The following ZNF33A variants were observed in gnomAD, a reference collection of about 807,000 sequenced individuals.
ZNF33A encodes the protein zinc finger protein 33A.
In ZNF33A, 9 loss-of-function variants were observed where a neutral mutation model predicts 15.9. That is an observed-to-expected ratio of 0.57 (90% CI 0.34 to 0.99). The LOEUF (loss-of-function observed/expected upper bound fraction) is 0.99. Among genes scored for constraint, ZNF33A ranks in the 50% least tolerant of loss-of-function variants. The pLI, the probability that ZNF33A is intolerant of heterozygous loss-of-function variation, is 0.02. For missense variants in ZNF33A, 843 were observed against 941.6 expected (o/e 0.90, Z 1.37); for synonymous variants, 294 against 324.2 (o/e 0.91, Z 1.00).
chr10:38,057,759 G>C lies in ZNF33A; in HGVS notation c.*1199G>C, dbSNP rs1211587971. 2 of 985,332 alleles carry C rather than the reference G, an allele frequency of 2.0e-6. No individual in the cohort carries two copies. The highest frequency in any genetic ancestry group is 2.4e-6 in the Non-Finnish European group (2 of 829,976). 61.0% of individuals were successfully genotyped at this position (985,332 alleles called of 1,614,324 possible). A position where few individuals can be genotyped will look rare whatever the true frequency, so the allele number is the denominator to read the frequency against. On this transcript the variant is annotated 3_prime_UTR_variant, in exon 5 of 5. Transcript: ENST00000432900. ...CTAGGGTACATATGTGAACATTCCA[G>C]CCTTCAGCATAAGTGGTAGTCCAAA...
downstream of ZNF33A, among the ~76,000 whole-genome samples, chr10:38,067,023 TAAAG>T (rs2066715424): frequency 6.6e-6 from 1 of 152,188 alleles, no homozygotes; most frequent in African/African-American, 2.4e-5. Flanking sequence ...TATGACCTAT[TAAAG>T]AACAAGCATT....
At chr10:38,012,553 C>T (rs137948345) in intron 2 of ZNF33A, among the ~76,000 whole-genome samples, 9,081 of 150,940 alleles carry the variant, frequency 0.06, 351 homozygotes, top group Middle Eastern at 0.096. Context: ...TGCCTCAGCC[C>T]CCCGAGTAGC....
At chr10:38,012,671 A>G (rs1266695867) in intron 2 of ZNF33A, among the ~76,000 whole-genome samples, 7 of 152,052 alleles carry the variant, frequency 4.6e-5, no homozygotes, top group Non-Finnish European at 8.8e-5. Flanking sequence ...AGCTCAGTCA[A>G]TCCGCCCGCC....
chr10:38,062,254 C>A (rs1009194829), downstream of ZNF33A, among the ~76,000 whole-genome samples: 1 of 152,124 alleles, frequency 6.6e-6, no homozygotes, highest in African/African-American at 2.4e-5. Context: ...CTTGGACTTC[C>A]CTGCCTCCAG....
chr10:38,040,909 G>C (rs598822), intron 4 of ZNF33A, among the ~76,000 whole-genome samples: 150,850 of 152,312 alleles, frequency 0.99, 74,717 homozygotes, highest in Middle Eastern at 1. Flanking sequence ...GTTCAACTTA[G>C]TATTTTTTCT....
At chr10:38,025,868 A>T (rs2064964515) in intron 4 of ZNF33A, among the ~76,000 whole-genome samples, 1 of 152,328 alleles carries the variant, frequency 6.6e-6, no homozygotes, top group East Asian at 1.9e-4. Context: ...CCATTACCAC[A>T]ATTTCTAATA....
downstream of ZNF33A, chr10:38,060,120 C>G (rs1042499815): frequency 2.1e-6 from 2 of 972,014 alleles, no homozygotes; most frequent in Non-Finnish European, 2.4e-6. Context: ...TCTGACTGAA[C>G]ATGTAAATCA....
In ZNF33A at chr10:38,056,571, A is replaced by G. The variant is rs1272689088; in HGVS notation, c.*11A>G. On this transcript the variant is annotated 3_prime_UTR_variant, in exon 5 of 5. Transcript: ENST00000432900. The stretch of plus-strand genomic sequence containing the variant: ...CTGAATGTTCAGTAACTATCCACAA[A>G]CTCACCTTATGTTACTCCAAAGTAA... 2 of 1,547,986 alleles carry G rather than the reference A, an allele frequency of 1.3e-6. No individual in the cohort carries two copies. Among genetic ancestry groups the G allele is most frequent in the Non-Finnish European group, 1.7e-6 (2 of 1,151,414 alleles).
intron 1 of ZNF33A, among the ~76,000 whole-genome samples, chr10:38,011,350 C>T (rs1423222965): frequency 1.3e-5 from 2 of 152,036 alleles, no homozygotes; most frequent in Admixed American, 1.3e-4. Context: ...TTTGGGAGGC[C>T]GAGGCGGGTG....
chr10:38,035,421 C>T (rs1217521669), intron 4 of ZNF33A, among the ~76,000 whole-genome samples: 1 of 151,982 alleles, frequency 6.6e-6, no homozygotes, highest in East Asian at 1.9e-4. Context: ...CCTGGCTTTC[C>T]ATTTACTTTC....
chr10:38,025,956 T>C (rs623149), intron 4 of ZNF33A, among the ~76,000 whole-genome samples: 79,537 of 151,514 alleles, frequency 0.52, 21,136 homozygotes, highest in South Asian at 0.71. Flanking sequence ...CAGCCTATGG[T>C]AACCCCTTAT....
chr10:38,014,961 C>T (rs2064381086), intron 2 of ZNF33A, among the ~76,000 whole-genome samples: 1 of 151,910 alleles, frequency 6.6e-6, no homozygotes, highest in African/African-American at 2.4e-5. Flanking sequence ...CAACCTCCAC[C>T]TCCCGGGTTC....
At position 38,054,409 on chromosome 10, in the gene ZNF33A, C is replaced by A. The variant is rs200017919; in HGVS notation, c.285C>A (p.Ser95Arg). The A allele has an allele frequency of 6.6e-5, 105 of 1,587,034 alleles. No individual in the cohort carries two copies. The highest frequency in any genetic ancestry group is 8.8e-5 in the Non-Finnish European group (103 of 1,169,630). ...VWTADHLKER[S>R]QENQSKHLWE... ...CAGCTGATCACCTGAAAGAGAGGAG[C>A]CAAGAAAACCAATCTAAACATTTGT... Residue 95 changes from serine to arginine, a missense_variant, in exon 5 of 5, where the codon AGC (serine) becomes AGA (arginine). Coordinates refer to ENST00000432900, the MANE Select transcript of ZNF33A (RefSeq NM_006954.2).
chr10:38,056,734 A>C lies in ZNF33A; in HGVS notation c.*174A>C. On this transcript the variant is annotated 3_prime_UTR_variant, in exon 5 of 5. Transcript: ENST00000432900. ...TTTGAATTTGTGAAAGTTTTTGGCAAAAATGCAAATAAGGTTATGTTAGAA... is the reference window on the plus strand; with the variant it reads ...TTTGAATTTGTGAAAGTTTTTGGCACAAATGCAAATAAGGTTATGTTAGAA... The C allele has an allele frequency of 8.0e-7, 1 of 1,251,354 alleles. No homozygotes were observed. The highest frequency in any genetic ancestry group is 1.0e-6 in the Non-Finnish European group (1 of 998,508). The allele number at this position is 1,251,354 out of a possible 1,614,324, so 77.5% of individuals were successfully genotyped here. A position where few individuals can be genotyped will look rare whatever the true frequency, so the allele number is the denominator to read the frequency against.
chr10:38,065,251 G>A (rs966698108), downstream of ZNF33A, among the ~76,000 whole-genome samples: 2 of 151,974 alleles, frequency 1.3e-5, no homozygotes, highest in African/African-American at 2.4e-5. Context: ...TTTGTATTTT[G>A]TGTAGAGACG....
intron 1 of ZNF33A, among the ~76,000 whole-genome samples, chr10:38,011,274 G>A (rs1308431334): frequency 6.6e-6 from 1 of 152,200 alleles, no homozygotes; most frequent in Admixed American, 6.5e-5. Context: ...CTTGCACTCA[G>A]GAAAGATCTT....
At chr10:38,050,045 C>A (rs915568857) in intron 4 of ZNF33A, among the ~76,000 whole-genome samples, 1 of 152,164 alleles carries the variant, frequency 6.6e-6, no homozygotes, top group Non-Finnish European at 1.5e-5. Flanking sequence ...AAGAAAACCC[C>A]AGGTCCCCAG....
At chr10:38,046,888 A>G (rs1007803409) in intron 4 of ZNF33A, among the ~76,000 whole-genome samples, 1 of 152,144 alleles carries the variant, frequency 6.6e-6, no homozygotes, top group African/African-American at 2.4e-5. Context: ...TGAGAAATAC[A>G]TGGCCAGCCA....
At chr10:38,062,504 G>C (rs1244504149), downstream of ZNF33A, among the ~76,000 whole-genome samples, 1 of 152,184 alleles carries the variant, frequency 6.6e-6, no homozygotes, top group Non-Finnish European at 1.5e-5. Context: ...ATTATTTTCA[G>C]GGGAAACTGT....
Sources: allele counts gnomAD v4.1 joint callset (sites outside exome capture counted in the v4.1 genomes callset), GRCh38; gene constraint gnomAD v4.1.1; transcripts MANE v1.5; gene names NCBI Gene and HGNC (gene_info 2026-07-23, HGNC 2026-07-21).